DNMT3A: variants seen among roughly 807,000 people sequenced by gnomAD.
The protein encoded by DNMT3A is DNA (cytosine-5)-methyltransferase 3A.
A neutral mutation model predicts 117.6 loss-of-function variants in DNMT3A; 267 were observed. The ratio of observed to expected loss-of-function variants is 2.27; its 90% CI spans 2.05 to 2.51. The LOEUF is 2.51. Among genes scored for constraint, DNMT3A ranks in the 30% most tolerant of loss-of-function variants. The pLI is 0.00. For synonymous variants in DNMT3A, 432 were observed against 474.8 expected (o/e 0.91, Z 1.17); for missense variants, 1,029 against 1,260.2 (o/e 0.82, Z 2.78).
At chr2:25,244,366 G>A (rs750766420) in intron 14 of DNMT3A, 28 bp from the exon 15 acceptor site, 1 of 1,585,066 alleles carries the variant, frequency 6.3e-7, no homozygotes. Flanking sequence ...GAGCAGAGGA[G>A]ACTCTCAGCC....
At position 25,230,064 on chromosome 2, in the gene DNMT3A, A is replaced by C. The variant is rs749017294; in HGVS notation, c.*4215T>G. ...CAAAAATCACACAGGCATCTCTACCAGTCAATCACACCCAGGCCTGTTTCA... is the reference window on the plus strand; with the variant it reads ...CAAAAATCACACAGGCATCTCTACCCGTCAATCACACCCAGGCCTGTTTCA... On this transcript the variant is annotated 3_prime_UTR_variant, in exon 23 of 23. Coordinates refer to ENST00000321117, the MANE Select transcript of DNMT3A (RefSeq NM_022552.5). The C allele has an allele frequency of 4.6e-5, 7 of 152,290 alleles. No homozygotes were observed. The highest frequency in any genetic ancestry group is 1.0e-4 in the Non-Finnish European group (7 of 68,102). 9.4% of individuals were successfully genotyped at this position (152,290 alleles called of 1,614,324 possible).
chr2:25,238,739 A>C (rs754496944), intron 20 of DNMT3A, among the ~76,000 whole-genome samples: 5 of 152,208 alleles, frequency 3.3e-5, no homozygotes, highest in Non-Finnish European at 7.3e-5. Flanking sequence ...CTCTCCTGGA[A>C]CAGGCTGTGG....
Position 25,327,536 on chromosome 2 carries a change from G to C in DNMT3A, c.-177-13375C>G, listed in dbSNP as rs961162195. 2.6e-5 allele frequency among the ~76,000 whole-genome samples: 4 copies of C among 152,080 alleles called. No homozygotes were observed. The highest frequency in any genetic ancestry group is 9.7e-5 in the African/African-American group (4 of 41,396). The stretch of plus-strand genomic sequence containing the variant: ...GACTCCATCTGGCTCCTTGCTTCTG[G>C]GTCTCCAGCCTCAGATTCTGCAGCT... On this transcript the variant is annotated intron_variant, in intron 1 of 22. Transcript: ENST00000321117. The surrounding 1 kb of genome is among the most constrained non-coding windows in gnomAD (Gnocchi z 4.1).
intron 18 of DNMT3A, 53 bp downstream of exon 18, chr2:25,240,587 C>T: frequency 6.2e-7 from 1 of 1,608,718 alleles, no homozygotes. Context: ...AAGGAGGAAG[C>T]CTATGTGCGG....
At chr2:25,265,060 C>T (rs547617090) in intron 6 of DNMT3A, among the ~76,000 whole-genome samples, 85 of 152,328 alleles carry the variant, frequency 5.6e-4, no homozygotes, top group African/African-American at 2.0e-3. Context: ...AGACGAGAAA[C>T]CAGGCCTCCC....
In DNMT3A at chr2:25,240,367, A is replaced by G; in HGVS notation, c.2257T>C (p.Trp753Arg). The G allele has an allele frequency of 6.2e-7, 1 of 1,614,036 alleles. No individual in the cohort carries two copies. The highest frequency in any genetic ancestry group is 8.5e-7 in the Non-Finnish European group (1 of 1,179,910). ...ATGGCCACCACATTCTCAAAGAGCCAGAAGAAGGGGCGATCATCTCCCTCC... is the reference window on the plus strand; with the variant it reads ...ATGGCCACCACATTCTCAAAGAGCCGGAAGAAGGGGCGATCATCTCCCTCC... ...PKEGDDRPFF[W>R]LFENVVAMGV... The change falls in exon 19 of 23, where the codon TGG becomes CGG. Residue 753 changes from tryptophan to arginine, a missense_variant. By Grantham distance (101) the Trp-to-Arg change is moderately radical (BLOSUM62 -3). Coordinates refer to ENST00000321117, the MANE Select transcript of DNMT3A (RefSeq NM_022552.5).
intron 3 of DNMT3A, among the ~76,000 whole-genome samples, chr2:25,299,678 C>T (rs923588703): frequency 1.3e-4 from 20 of 152,288 alleles, no homozygotes; most frequent in African/African-American, 4.8e-4. Flanking sequence ...TGCCTGTAAT[C>T]CCAGCACTTT....
rs867336358 is a variant in DNMT3A, at chr2:25,313,789, C to T, written c.72+124G>A. The T allele has an allele frequency of 4.6e-5, 66 of 1,429,370 alleles. No individual in the cohort carries two copies. The Middle Eastern group carries it at 9.8e-4, about 21-fold the overall frequency. The allele number at this position is 1,429,370 out of a possible 1,614,324, so 88.5% of individuals were successfully genotyped here. ...CCCAAACAGGGATGTGATGGTCCCA[C>T]ACCCTGTCGTGAGCACTGAGTGATG... On this transcript the variant is annotated intron_variant, in intron 2 of 22. Coordinates refer to ENST00000321117, the MANE Select transcript of DNMT3A (RefSeq NM_022552.5).
intron 2 of DNMT3A, 58 bp from the exon 3 acceptor site, chr2:25,300,301 C>T (rs909487790): frequency 6.4e-7 from 1 of 1,568,968 alleles, no homozygotes; most frequent in Non-Finnish European, 8.6e-7. Context: ...TGTAGCATTC[C>T]AGGCCTGTCT....
chr2:25,247,654 GC>G lies in DNMT3A; in HGVS notation c.950del (p.Gly317AlafsTer28). 6.2e-7 allele frequency: 1 copy of G among 1,614,050 alleles called. No homozygotes were observed. The highest frequency in any genetic ancestry group is 1.7e-5 in the Admixed American group (1 of 60,016). On this transcript the variant is annotated frameshift_variant, in exon 8 of 23. Transcript: ENST00000321117. LOFTEE classifies it high-confidence loss of function. The surrounding 1 kb of genome is among the most constrained non-coding windows in gnomAD (Gnocchi z 5.6). ...PGRIVSWWMT[G>X]RSRAAEGTRW... is the part of the protein sequence containing the mutation. ...GGGTGCCTTCAGCTGCTCGGCTCCG[GC>G]CCGTCATCCACCAAGACACAATGCG...
chr2:25,313,832 TGAG>T, intron 2 of DNMT3A, 78 bp downstream of exon 2: 1 of 1,544,872 alleles, frequency 6.5e-7, no homozygotes, highest in Admixed American at 2.0e-5. Flanking sequence ...GCACTCAGTA[TGAG>T]GAGCCGGCTG....
Position 25,327,737 on chromosome 2 carries a change from C to T in DNMT3A, c.-177-13576G>A, listed in dbSNP as rs1177813657. 6.6e-6 allele frequency among the ~76,000 whole-genome samples: 1 copy of T among 152,244 alleles called. No individual in the cohort carries two copies. The highest frequency in any genetic ancestry group is 2.4e-5 in the African/African-American group (1 of 41,448). On this transcript the variant is annotated intron_variant, in intron 1 of 22. Coordinates refer to ENST00000321117, the MANE Select transcript of DNMT3A (RefSeq NM_022552.5). This position sits in a 1 kb window ranked among gnomAD's most constrained non-coding sequence, Gnocchi z 4.1. ...CCAGCTCTATTTATTTTCATCCCAA[C>T]TGGATGACTTGCAGTCCCTAAAATC...
chr2:25,295,476 G>C (rs191325245), intron 3 of DNMT3A, among the ~76,000 whole-genome samples: 1 of 152,234 alleles, frequency 6.6e-6, no homozygotes, highest in Non-Finnish European at 1.5e-5. Flanking sequence ...TGCAGCCTTC[G>C]GCACTTACAC....
chr2:25,300,726 T>TATA (rs1558722839), intron 2 of DNMT3A, among the ~76,000 whole-genome samples: 3 of 23,708 alleles, frequency 1.3e-4, no homozygotes, highest in African/African-American at 2.0e-4. Flanking sequence ...TATATATATA[T>TATA]ATATATATAT....
chr2:25,273,218 C>T (rs1427087456), intron 6 of DNMT3A, among the ~76,000 whole-genome samples: 4 of 151,898 alleles, frequency 2.6e-5, no homozygotes, highest in African/African-American at 4.8e-5. Context: ...TTAGGTGATC[C>T]GCCCGCCTCA....
chr2:25,280,273 C>T (rs1047112244), intron 4 of DNMT3A, among the ~76,000 whole-genome samples: 1 of 151,410 alleles, frequency 6.6e-6, no homozygotes, highest in African/African-American at 2.4e-5. Context: ...AAGCTGATTA[C>T]ATCACACACA....
chr2:25,289,677 T>C (rs1477541235), intron 3 of DNMT3A, among the ~76,000 whole-genome samples: 2 of 152,266 alleles, frequency 1.3e-5, no homozygotes, highest in East Asian at 3.9e-4. Context: ...CCCCAGGGTT[T>C]GGAGAAGGCA....
In DNMT3A at chr2:25,247,443, C is replaced by T. The variant is rs1025393583; in HGVS notation, c.1014+148G>A. 9 of 1,267,710 alleles carry T rather than the reference C, an allele frequency of 7.1e-6. No homozygotes were observed. In the African/African-American group the frequency reaches 1.2e-4, roughly 17 times the overall value. The allele number at this position is 1,267,710 out of a possible 1,614,324, so 78.5% of individuals were successfully genotyped here. ...CACAGGTGCAACCTAATTATCCCTA[C>T]AGCTTCTTCCACCCACCACAGGCAG... On this transcript the variant is annotated intron_variant, in intron 8 of 22. Coordinates refer to ENST00000321117, the MANE Select transcript of DNMT3A (RefSeq NM_022552.5). This position sits in a 1 kb window ranked among gnomAD's most constrained non-coding sequence, Gnocchi z 5.6.
chr2:25,247,096 G>GT lies in DNMT3A; in HGVS notation c.1076dup (p.Tyr359Ter). 1 of 1,614,160 alleles carries GT rather than the reference G, an allele frequency of 6.2e-7. No individual in the cohort carries two copies. Among genetic ancestry groups the GT allele is most frequent in the Non-Finnish European group, 8.5e-7 (1 of 1,180,022 alleles). The change falls in exon 9 of 23, where the codon TAC becomes TAAC. Residue 359 changes from tyrosine to a stop codon, truncating the protein, a stop_gained and frameshift_variant. Transcript: ENST00000321117. LOFTEE classifies it high-confidence loss of function. This position sits in a 1 kb window ranked among gnomAD's most constrained non-coding sequence, Gnocchi z 5.6. ...CTTTGCGGTACATGGGCTGCTTGTT[G>GT]TACGTGGCCTGGTGGAACGCACTGC... Reference protein sequence around the residue: ...SFCSAFHQATYNKQPMYRKAI... With the variant: ...SFCSAFHQAT
Sources: gnomAD v4.1 joint callset for allele counts (sites outside exome capture counted in the v4.1 genomes callset) on GRCh38, gnomAD v4.1.1 for gene constraint, Gnocchi (gnomAD v3.1) non-coding constraint, MANE v1.5 for transcripts, NCBI Gene and HGNC (gene_info 2026-07-23, HGNC 2026-07-21) for gene names.